The following LINGO2 variants were observed in gnomAD, a reference collection of about 807,000 sequenced individuals.
LINGO2 encodes leucine-rich repeat and immunoglobulin-like domain-containing nogo receptor-interacting protein 2.
LINGO2 carries 14 observed loss-of-function variants against 30.6 expected under a neutral mutation model. The observed-to-expected ratio is 0.46, with a 90% confidence interval of 0.30 to 0.72. The LOEUF (loss-of-function observed/expected upper bound fraction) is 0.72. Among genes scored for constraint, LINGO2 ranks in the 30% least tolerant of loss-of-function variants. The pLI, the probability that LINGO2 is intolerant of heterozygous loss-of-function variation, is 0.07. For synonymous variants in LINGO2, 317 were observed against 288.5 expected, an observed-to-expected ratio of 1.10 and a Z score of -1.00; for missense variants, 729 against 751.7, an observed-to-expected ratio of 0.97 and a Z score of 0.35.
chr9:28,275,091 C>T (rs139385534), intron 4 of LINGO2, among the ~76,000 whole-genome samples: 3,820 of 152,010 alleles, frequency 0.025, 76 homozygotes, highest in Non-Finnish European at 0.038. Flanking sequence ...TGTTTTGGGA[C>T]AGAGTCTCAC....
At chr9:28,233,710 A>T (rs143763154) in intron 4 of LINGO2, among the ~76,000 whole-genome samples, 1 of 152,284 alleles carries the variant, frequency 6.6e-6, no homozygotes, top group African/African-American at 2.4e-5. Context: ...GAGAGTGAAG[A>T]CAAAAGAGGA....
chr9:29,012,578 TA>T, the LINGO2 span, among the ~76,000 whole-genome samples: 1 of 152,114 alleles, frequency 6.6e-6, no homozygotes, highest in Admixed American at 6.6e-5. Context: ...GGTAATCAAC[TA>T]AATGGTAAGT....
chr9:28,885,384 T>C, the LINGO2 span, among the ~76,000 whole-genome samples: 3 of 145,422 alleles, frequency 2.1e-5, no homozygotes, highest in Admixed American at 7.0e-5. Context: ...CATATATATA[T>C]ACACATACAT....
the LINGO2 span, among the ~76,000 whole-genome samples, chr9:28,930,546 G>A: frequency 6.6e-6 from 1 of 152,136 alleles, no homozygotes; most frequent in Admixed American, 6.5e-5. This position sits in a 1 kb window ranked among gnomAD's most constrained non-coding sequence, Gnocchi z 4.2. Flanking sequence ...GAACTTCAAG[G>A]GACCTGAATT....
At chr9:29,111,339 C>G in the LINGO2 span, among the ~76,000 whole-genome samples, 3 of 152,216 alleles carry the variant, frequency 2.0e-5, no homozygotes, top group South Asian at 6.2e-4. Flanking sequence ...GGTTGTTATT[C>G]TAAAATGGCA....
chr9:28,867,257 A>G, the LINGO2 span, among the ~76,000 whole-genome samples: 51,945 of 151,966 alleles, frequency 0.34, 10,640 homozygotes, highest in African/African-American at 0.58. Context: ...GTAAAATAAT[A>G]CAAAATAAAA....
the LINGO2 span, among the ~76,000 whole-genome samples, chr9:28,920,848 A>G: frequency 6.6e-6 from 1 of 152,194 alleles, no homozygotes; most frequent in African/African-American, 2.4e-5. Context: ...AAAATTTGTT[A>G]GCAGGTCACT....
rs1298367860 is a variant in LINGO2, at chr9:28,240,339, GA to G, written c.-87+54868del. ...TAGCCAAAGCCATCCTGAGTAAAAA[GA>G]AAAAACTGGATGCATCACATTACCT... On this transcript the variant is annotated intron_variant, in intron 4 of 5. Transcript: ENST00000379992. Among the ~76,000 whole-genome samples the G allele has an allele frequency of 5.9e-5, 9 of 152,040 alleles. No homozygotes were observed. The South Asian group carries it at 1.9e-3, about 32-fold the overall frequency.
chr9:28,279,632 C>A (rs1412661021), intron 4 of LINGO2, among the ~76,000 whole-genome samples: 1 of 152,110 alleles, frequency 6.6e-6, no homozygotes. Context: ...TAATAAACTA[C>A]AGTATAGTAT....
chr9:28,319,573 T>C (rs12338604), intron 3 of LINGO2, among the ~76,000 whole-genome samples: 7,007 of 152,224 alleles, frequency 0.046, 496 homozygotes, highest in African/African-American at 0.16. Context: ...TAGTAACACA[T>C]ACAGCGTGAA....
rs1286262444 is a variant in LINGO2, at chr9:28,172,028, A to AC, written c.-87+123179_-87+123180insG. On this transcript the variant is annotated intron_variant, in intron 4 of 5. Coordinates refer to ENST00000379992, the Ensembl canonical transcript of LINGO2. ...CAAGACTCCGTCTCAAAAAAAAAAA[A>AC]AAAAACAAAAAAAAAAACCCAGCAT... Among the ~76,000 whole-genome samples the AC allele has an allele frequency of 5.4e-3, 498 of 92,034 alleles. 9 individuals are homozygous for AC. Among genetic ancestry groups the AC allele is most frequent in the African/African-American group, 0.026 (470 of 17,908 alleles). The allele number at this position is 92,034 out of a possible 152,430, so 60.4% of individuals were successfully genotyped here. A position where few individuals can be genotyped will look rare whatever the true frequency, so the allele number is the denominator to read the frequency against.
At chr9:28,351,809 A>T (rs893333640) in intron 3 of LINGO2, among the ~76,000 whole-genome samples, 1 of 151,624 alleles carries the variant, frequency 6.6e-6, no homozygotes, top group Admixed American at 6.6e-5. Flanking sequence ...ACCATGATCA[A>T]GTGGGCTTCA....
At chr9:28,503,728 G>A (rs1167701170) in intron 1 of LINGO2, among the ~76,000 whole-genome samples, 1 of 151,812 alleles carries the variant, frequency 6.6e-6, no homozygotes, top group Non-Finnish European at 1.5e-5. Context: ...AGTCAGTAAA[G>A]TTCTTCCATG....
intron 2 of LINGO2, among the ~76,000 whole-genome samples, chr9:28,430,148 G>A (rs993037635): frequency 2.0e-5 from 3 of 151,236 alleles, no homozygotes; most frequent in Non-Finnish European, 2.9e-5. Context: ...ATATTTTGAC[G>A]AGATTCTTAG....
the LINGO2 span, among the ~76,000 whole-genome samples, chr9:29,196,681 T>C: frequency 6.6e-6 from 1 of 152,000 alleles, no homozygotes; most frequent in African/African-American, 2.4e-5. Flanking sequence ...GATAAAATAC[T>C]AACCCAAAGT....
rs571973453 is a variant in LINGO2 at position 28,543,904 on chromosome 9, T to C, written c.-364-67879A>G. 3.4e-4 allele frequency among the ~76,000 whole-genome samples: 51 copies of C among 152,080 alleles called. 1 individual carries two copies. The highest frequency in any genetic ancestry group is 1.1e-3 in the African/African-American group (47 of 41,534). On this transcript the variant is annotated intron_variant, in intron 1 of 5. Coordinates refer to ENST00000379992, the Ensembl canonical transcript of LINGO2. ...AATCATAAAAACAAGCAATTATGAA[T>C]CTAACAAAAAGTATTTTAGGCTGGA...
At position 28,038,554 on chromosome 9, in the gene LINGO2, G is replaced by A. The variant is rs865973679; in HGVS notation, c.-86-26149C>T. On this transcript the variant is annotated intron_variant, in intron 4 of 5. Transcript: ENST00000379992. ...TAAAAATACAAAAAATTAGCCGGGC[G>A]TAGTGGTGGGCGCCTGTAGTCCCAG... Among the ~76,000 whole-genome samples the A allele has an allele frequency of 5.9e-5, 9 of 152,176 alleles. No individual in the cohort carries two copies. The Middle Eastern group carries it at 0.01, about 173-fold the overall frequency.
At chr9:28,687,889 G>A in the LINGO2 span, among the ~76,000 whole-genome samples, 4 of 151,926 alleles carry the variant, frequency 2.6e-5, no homozygotes, top group African/African-American at 4.8e-5. Context: ...AGGATATAAC[G>A]ATTATACCCA....
chr9:28,355,583 C>A (rs1820169016), intron 3 of LINGO2, among the ~76,000 whole-genome samples: 1 of 151,978 alleles, frequency 6.6e-6, no homozygotes. Context: ...GGTGGGTCTG[C>A]AAATAATATA....
Sources: allele counts gnomAD v4.1 joint callset (sites outside exome capture counted in the v4.1 genomes callset), GRCh38; gene constraint gnomAD v4.1.1; non-coding constraint Gnocchi (gnomAD v3.1); transcripts MANE v1.5; gene names NCBI Gene and HGNC (gene_info 2026-07-23, HGNC 2026-07-21).